The following TRPM7 variants were observed in gnomAD, a reference collection of about 807,000 sequenced individuals.
TRPM7 encodes the protein transient receptor potential cation channel subfamily M member 7, also known as LTRPC ion channel family member 7.
Under a neutral mutation model 229.7 loss-of-function variants are expected in TRPM7, and 134 were observed. That is an observed-to-expected ratio of 0.58 (90% confidence interval 0.51 to 0.67). TRPM7 has a LOEUF of 0.67. TRPM7 is among the 30% of genes least tolerant of loss of function. TRPM7 has a pLI of 0.00. For synonymous variants in TRPM7, 699 were observed against 715.2 expected (o/e 0.98, Z 0.36); for missense variants, 1,901 against 2,210.0 (o/e 0.86, Z 2.80).
chr15:50,662,748 G>C (rs1567108011), intron 2 of TRPM7, among the ~76,000 whole-genome samples: 1 of 152,188 alleles, frequency 6.6e-6, no homozygotes, highest in Non-Finnish European at 1.5e-5. Context: ...TCAAGGAAGA[G>C]ATTGTATGCT....
chr15:50,678,154 T>G (rs559801249), intron 1 of TRPM7, among the ~76,000 whole-genome samples: 30 of 147,016 alleles, frequency 2.0e-4, no homozygotes, highest in African/African-American at 7.5e-4. Flanking sequence ...GGCAGGAGGA[T>G]GGCGTGAACC....
Position 50,596,305 on chromosome 15 carries a change from G to A in TRPM7, c.3240C>T (p.Tyr1080=), listed in dbSNP as rs769216210. 2 of 1,604,568 alleles carry A rather than the reference G, an allele frequency of 1.2e-6. No individual in the cohort carries two copies. Among genetic ancestry groups the A allele is most frequent in the Non-Finnish European group, 1.7e-6 (2 of 1,174,434 alleles). The change falls in exon 23 of 39, where the codon TAC becomes TAT. Residue 1080 remains tyrosine (Y), a synonymous_variant. Transcript: ENST00000646667. ...TWLTPFLQAV[Y]LFVQYIIMVN... is the part of the protein sequence containing the mutation. ...CCATAATGATATACTGTACAAAGAG[G>A]TAGACTGCTTGAAGAAATGGAGTCA...
chr15:50,573,106 AAC>A (rs1182126582), intron 36 of TRPM7, among the ~76,000 whole-genome samples: 5 of 152,164 alleles, frequency 3.3e-5, no homozygotes, highest in East Asian at 1.9e-4. Flanking sequence ...ATATGTATGA[AAC>A]ACAGTCTATC....
At chr15:50,671,563 C>A (rs566409606) in intron 1 of TRPM7, among the ~76,000 whole-genome samples, 1 of 152,140 alleles carries the variant, frequency 6.6e-6, no homozygotes, top group South Asian at 2.1e-4. Context: ...CAGCACCTTG[C>A]CGTGGGAGGA....
In TRPM7 at chr15:50,634,413, C is replaced by T; in HGVS notation, c.976G>A (p.Ala326Thr). The T allele has an allele frequency of 6.3e-7, 1 of 1,584,488 alleles. No individual in the cohort carries two copies. The highest frequency in any genetic ancestry group is 8.6e-7 in the Non-Finnish European group (1 of 1,167,978). ...EGTGRAADLL[A>T]YIHKQTEEGG... is the part of the protein sequence containing the mutation. Reference sequence around the variant, plus strand: ...TCTTCTGTTTGTTTATGAATATACGCTAGCAGATCTGCAGCTCTGCCTGTT... The same window carrying T: ...TCTTCTGTTTGTTTATGAATATACGTTAGCAGATCTGCAGCTCTGCCTGTT... Residue 326 changes from alanine (A) to threonine (T), a missense_variant, in exon 8 of 39, where the codon GCG becomes ACG. Physicochemically the swap from Ala to Thr is moderately conservative, Grantham distance 58 (BLOSUM62 0). Coordinates refer to ENST00000646667, the MANE Select transcript of TRPM7 (RefSeq NM_017672.6).
chr15:50,650,744 T>C (rs1231938875), intron 3 of TRPM7, among the ~76,000 whole-genome samples: 2 of 151,652 alleles, frequency 1.3e-5, no homozygotes, highest in Non-Finnish European at 2.9e-5. Flanking sequence ...GCCCATGCCC[T>C]GACAAAGTTT....
intron 21 of TRPM7, among the ~76,000 whole-genome samples, chr15:50,600,895 G>T (rs886954421): frequency 6.6e-6 from 1 of 152,182 alleles, no homozygotes; most frequent in Non-Finnish European, 1.5e-5. Flanking sequence ...CTGGCTCTCT[G>T]CAACTTGCAG....
chr15:50,652,328 CAAAAAAAAAAAAAAAA>C (rs34122648), intron 3 of TRPM7, among the ~76,000 whole-genome samples: 12 of 34,232 alleles, frequency 3.5e-4, no homozygotes, highest in South Asian at 1.6e-3. Context: ...GACTCCATCT[CAAAAAAAAAAAAAAAA>C]AAAAAAAAAA....
chr15:50,672,217 C>T (rs1259751553), intron 1 of TRPM7, among the ~76,000 whole-genome samples: 1 of 152,036 alleles, frequency 6.6e-6, no homozygotes, highest in Non-Finnish European at 1.5e-5. Context: ...CCACACCCAG[C>T]TAATTTTTTG....
At chr15:50,593,504 G>C (rs1263262532) in intron 25 of TRPM7, 113 bp downstream of exon 25, 6 of 1,143,138 alleles carry the variant, frequency 5.2e-6, no homozygotes, top group Non-Finnish European at 7.5e-6. Flanking sequence ...ATGTAAAACT[G>C]TAACTATGCT....
rs79583429 is a variant in TRPM7, at chr15:50,579,618, T to C, written c.4593-954A>G. On this transcript the variant is annotated intron_variant, in intron 30 of 38. Coordinates refer to ENST00000646667, the MANE Select transcript of TRPM7 (RefSeq NM_017672.6). ...TTAACACCAACTTGAAGTGCCTATT[T>C]TGTACTTACATCCCATGGCTTTGGT... Among the ~76,000 whole-genome samples, 615 of 152,226 alleles carry C rather than the reference T, an allele frequency of 4.0e-3. 4 individuals are homozygous for C. Among genetic ancestry groups the C allele is most frequent in the African/African-American group, 0.014 (594 of 41,526 alleles).
At chr15:50,683,465 T>A (rs912293285) in intron 1 of TRPM7, among the ~76,000 whole-genome samples, 6 of 149,568 alleles carry the variant, frequency 4.0e-5, no homozygotes, top group African/African-American at 1.2e-4. Context: ...CCAGGGTCAG[T>A]GGCTCACGCC....
At chr15:50,657,028 C>CA (rs1460410900) in intron 3 of TRPM7, among the ~76,000 whole-genome samples, 1 of 152,030 alleles carries the variant, frequency 6.6e-6, no homozygotes, top group Non-Finnish European at 1.5e-5. Flanking sequence ...ACTGCTCTTA[C>CA]AAAAAATAAA....
chr15:50,650,269 GA>G (rs879818366), intron 3 of TRPM7, among the ~76,000 whole-genome samples: 3 of 146,354 alleles, frequency 2.0e-5, no homozygotes, highest in Non-Finnish European at 4.5e-5. Context: ...AGCAATAGCC[GA>G]AACAATTTCT....
chr15:50,602,342 T>C (rs1316744935), intron 21 of TRPM7, among the ~76,000 whole-genome samples: 2 of 151,974 alleles, frequency 1.3e-5, no homozygotes, highest in Non-Finnish European at 2.9e-5. Context: ...ACGAGAACAC[T>C]TGGACACAGG....
Position 50,574,935 on chromosome 15 carries a change from T to A in TRPM7, c.4936A>T (p.Ile1646Phe). 6.2e-7 allele frequency: 1 copy of A among 1,614,130 alleles called. No individual in the cohort carries two copies. Among genetic ancestry groups the A allele is most frequent in the Non-Finnish European group, 8.5e-7 (1 of 1,179,968 alleles). Reference protein sequence around the residue: ...HDILKSGHLYIIKSFLPEVVN... With the variant: ...HDILKSGHLYFIKSFLPEVVN... The stretch of plus-strand genomic sequence containing the variant: ...ACCTCTGGAAGAAAAGATTTGATAA[T>A]ATAAAGATGCCCTGATTTGAGGATA... The change falls in exon 34 of 39, where the codon ATT becomes TTT. Residue 1646 changes from isoleucine (I) to phenylalanine (F), a missense_variant. Ile to Phe is a conservative substitution (Grantham distance 21). Coordinates refer to ENST00000646667, the MANE Select transcript of TRPM7 (RefSeq NM_017672.6).
In TRPM7 at chr15:50,574,255, A is replaced by G; in HGVS notation, c.5308+19T>C. 1.3e-6 allele frequency: 2 copies of G among 1,592,052 alleles called. No individual in the cohort carries two copies. The highest frequency in any genetic ancestry group is 1.7e-6 in the Non-Finnish European group (2 of 1,160,166). ...ACCTACTGCAGAATTTCACCTTAGC[A>G]ATATTTTAATAAATTTACCTTGCAA... On this transcript the variant is annotated intron_variant, in intron 36 of 38. Transcript: ENST00000646667.
intron 11 of TRPM7, among the ~76,000 whole-genome samples, chr15:50,626,263 T>C (rs904930388): frequency 6.6e-6 from 1 of 152,146 alleles, no homozygotes; most frequent in Non-Finnish European, 1.5e-5. Flanking sequence ...ATTATACATA[T>C]ATTCTTAATT....
At chr15:50,624,628 G>T (rs2060506068) in intron 11 of TRPM7, among the ~76,000 whole-genome samples, 1 of 152,166 alleles carries the variant, frequency 6.6e-6, no homozygotes, top group Non-Finnish European at 1.5e-5. Context: ...AGTGTTTAGG[G>T]AAGGTTTTGT....
Sources: allele counts gnomAD v4.1 joint callset (sites outside exome capture counted in the v4.1 genomes callset), GRCh38; gene constraint gnomAD v4.1.1; transcripts MANE v1.5; gene names NCBI Gene and HGNC (gene_info 2026-07-23, HGNC 2026-07-21).